Variants in EPAS1 observed in about 807,000 individuals in gnomAD.
EPAS1 encodes endothelial PAS domain-containing protein 1.
In EPAS1, 23 loss-of-function variants were observed where a neutral mutation model predicts 87.9. The observed-to-expected ratio is 0.26, with a 90% CI of 0.19 to 0.37. The LOEUF is 0.37. EPAS1 is among the 10% of genes least tolerant of loss of function. The probability of loss-of-function intolerance (pLI) is 1.00; values close to 1 mark genes in which losing one functional copy is unlikely to be tolerated. For synonymous variants in EPAS1, 508 were observed against 444.3 expected (o/e 1.14, Z -1.80); for missense variants, 1,138 against 1,120.7 (o/e 1.02, Z -0.22).
intron 6 of EPAS1, 46 bp from the exon 7 acceptor site, chr2:46,369,781 T>G: frequency 6.9e-7 from 1 of 1,451,298 alleles, no homozygotes; most frequent in African/African-American, 1.4e-5. Flanking sequence ...CTGTGCTAAG[T>G]TAATATGGTC....
chr2:46,377,926 G>A lies in EPAS1; in HGVS notation c.1282G>A (p.Gly428Ser). ...GAACTTCGAGGAGTCCTCAGCCTAT[G>A]GCAAGGCCATCCTGCCCCCGAGCCA... ...NQNFEESSAY[G>S]KAILPPSQPW... Residue 428 changes from glycine to serine, a missense_variant, in exon 10 of 16, where the codon GGC becomes AGC. By Grantham distance (56) the Gly-to-Ser change is moderately conservative. This residue lies in a region of EPAS1 where 284 missense variants were observed against 258.4 expected (regional missense o/e 1.10). Coordinates refer to ENST00000263734, the MANE Select transcript of EPAS1 (RefSeq NM_001430.5). The A allele has an allele frequency of 6.4e-7, 1 of 1,554,548 alleles. No individual in the cohort carries two copies. The highest frequency in any genetic ancestry group is 8.7e-7 in the Non-Finnish European group (1 of 1,148,532).
At chr2:46,298,151 CG>C (rs1682924439) in intron 1 of EPAS1, among the ~76,000 whole-genome samples, 1 of 152,046 alleles carries the variant, frequency 6.6e-6, no homozygotes, top group South Asian at 2.1e-4. Flanking sequence ...TCGGAGGAGT[CG>C]GGGATTTGCG....
intron 1 of EPAS1, among the ~76,000 whole-genome samples, chr2:46,303,692 C>T (rs1683055251): frequency 6.6e-6 from 1 of 152,130 alleles, no homozygotes; most frequent in Admixed American, 6.5e-5. Context: ...ATAGAAGCAA[C>T]TTGTTCTAAA....
In EPAS1 at chr2:46,380,650, G is replaced by C. The variant is rs753194538; in HGVS notation, c.1978G>C (p.Glu660Gln). The C allele has an allele frequency of 4.3e-6, 7 of 1,614,118 alleles. No homozygotes were observed. The highest frequency in any genetic ancestry group is 5.9e-6 in the Non-Finnish European group (7 of 1,180,010). Residue 660 changes from glutamate (E) to glutamine (Q), a missense_variant, in exon 12 of 16, where the codon GAG becomes CAG. This residue lies in a region of EPAS1 where 502 missense variants were observed against 427.1 expected (regional missense o/e 1.18). Coordinates refer to ENST00000263734, the MANE Select transcript of EPAS1 (RefSeq NM_001430.5). The surrounding 1 kb of genome is among the most constrained non-coding windows in gnomAD (Gnocchi z 4.4). ...TKWAVGDQRT[E>Q]FLGAAPLGPP... ...GTGGGCCGTCGGGGATCAGCGCACA[G>C]AGTTCTTGGGAGCAGCGCCGTTGGG... is the stretch of plus-strand genomic sequence containing the variant.
rs555916781 is a variant in EPAS1 at position 46,300,763 on chromosome 2, C to G, written c.26+2826C>G. On this transcript the variant is annotated intron_variant, in intron 1 of 15. Transcript: ENST00000263734. This position sits in a 1 kb window ranked among gnomAD's most constrained non-coding sequence, Gnocchi z 4.1. The stretch of plus-strand genomic sequence containing the variant: ...TCAAAGTCCAGTCCCAAAGCCAGAC[C>G]TAGGTCCAGACACCTTCCCAGAGTG... Among the ~76,000 whole-genome samples, 2 of 152,272 alleles carry G rather than the reference C, an allele frequency of 1.3e-5. No individual in the cohort carries two copies. The highest frequency in any genetic ancestry group is 3.9e-4 in the East Asian group (2 of 5,186).
intron 1 of EPAS1, among the ~76,000 whole-genome samples, chr2:46,338,528 C>G (rs543388847): frequency 1.3e-5 from 2 of 152,244 alleles, no homozygotes; most frequent in South Asian, 2.1e-4. Flanking sequence ...ACCGAGTCTT[C>G]TCTATACATC....
At position 46,297,730 on chromosome 2, in the gene EPAS1, C is replaced by G; in HGVS notation, c.-182C>G. Reference sequence around the variant, plus strand: ...CCCAGTCACCTTTCTCCACCCCCGCCCCCGCACCTAGCCCGCCGCGCGCCA... The same window carrying G: ...CCCAGTCACCTTTCTCCACCCCCGCGCCCGCACCTAGCCCGCCGCGCGCCA... On this transcript the variant is annotated 5_prime_UTR_variant, in exon 1 of 16. Transcript: ENST00000263734. 5.8e-6 allele frequency: 4 copies of G among 690,052 alleles called. No homozygotes were observed. The highest frequency in any genetic ancestry group is 9.6e-6 in the Non-Finnish European group (4 of 415,894). 42.7% of individuals were successfully genotyped at this position (690,052 alleles called of 1,614,324 possible). A position where few individuals can be genotyped will look rare whatever the true frequency, so the allele number is the denominator to read the frequency against.
chr2:46,349,186 G>C (rs1265446489), intron 2 of EPAS1, among the ~76,000 whole-genome samples: 2 of 152,172 alleles, frequency 1.3e-5, no homozygotes, highest in Non-Finnish European at 2.9e-5. Flanking sequence ...GAAGCAGCTG[G>C]GGGCCAGCGT....
rs1358869941 is a variant in EPAS1 at position 46,378,006 on chromosome 2, G to A, written c.1362G>A (p.Leu454=). 1 of 1,596,402 alleles carries A rather than the reference G, an allele frequency of 6.3e-7. No homozygotes were observed. The highest frequency in any genetic ancestry group is 8.5e-7 in the Non-Finnish European group (1 of 1,171,874). ...GCACCCAGAGCGAGGCTGGGAGCCT[G>A]CCTGCCTTCACCGTGCCCCAGGCAG... ...SHSTQSEAGS[L]PAFTVPQAAA... is the part of the protein sequence containing the mutation. Residue 454 remains leucine, a synonymous_variant, in exon 10 of 16, where the codon CTG becomes CTA. Transcript: ENST00000263734.
intron 1 of EPAS1, among the ~76,000 whole-genome samples, chr2:46,332,424 G>T (rs530385315): frequency 6.6e-6 from 1 of 151,732 alleles, no homozygotes; most frequent in Non-Finnish European, 1.5e-5. Context: ...AATCACTGAC[G>T]GGACCTCAGT....
At chr2:46,369,774 T>C (rs1684588285) in intron 6 of EPAS1, 53 bp from the exon 7 acceptor site, 1 of 1,367,046 alleles carries the variant, frequency 7.3e-7, no homozygotes, top group Non-Finnish European at 1.0e-6. Flanking sequence ...CCACATGCTG[T>C]GCTAAGTTAA....
chr2:46,367,727 A>G (rs1262487626), intron 6 of EPAS1, among the ~76,000 whole-genome samples: 4 of 152,206 alleles, frequency 2.6e-5, no homozygotes, highest in Admixed American at 6.5e-5. Context: ...CACTGGGCTG[A>G]ATCAGCTGAG....
chr2:46,357,628 C>T (rs1222595529), intron 4 of EPAS1, among the ~76,000 whole-genome samples: 4 of 152,138 alleles, frequency 2.6e-5, no homozygotes, highest in Admixed American at 6.5e-5. Context: ...GGAAACTACA[C>T]GAAGCCATGA....
chr2:46,315,312 G>C (rs956133112), intron 1 of EPAS1, among the ~76,000 whole-genome samples: 3 of 152,192 alleles, frequency 2.0e-5, no homozygotes, highest in Non-Finnish European at 4.4e-5. Context: ...GAAAATCACT[G>C]AATGAAGTCA....
chr2:46,313,949 G>A lies in EPAS1; in HGVS notation c.26+16012G>A, dbSNP rs879472882. On this transcript the variant is annotated intron_variant, in intron 1 of 15. Transcript: ENST00000263734. ...AGGTTGTCAGGTCTTTGTCTTCAAC[G>A]TTATTATTTCTTATATTTGTTCAGT... Among the ~76,000 whole-genome samples, 159 of 152,224 alleles carry A rather than the reference G, an allele frequency of 1.0e-3. 3 individuals carry two copies. The highest frequency in any genetic ancestry group is 3.4e-3 in the Middle Eastern group (1 of 294).
intron 1 of EPAS1, among the ~76,000 whole-genome samples, chr2:46,310,056 T>G (rs1683181598): frequency 6.6e-6 from 1 of 152,158 alleles, no homozygotes; most frequent in Non-Finnish European, 1.5e-5. Context: ...CCCAAATCAC[T>G]CTGATATATG....
chr2:46,382,645 A>T, intron 15 of EPAS1, 47 bp downstream of exon 15: 1 of 1,610,822 alleles, frequency 6.2e-7, no homozygotes. Context: ...ATTCGATGCC[A>T]GGGGAAGCCC....
At chr2:46,379,842 G>A (rs1292325058) in intron 11 of EPAS1, 4 of 324,880 alleles carry the variant, frequency 1.2e-5, no homozygotes, top group Non-Finnish European at 2.4e-5. Context: ...GCCACAGTGT[G>A]CACCACAGGC....
At chr2:46,361,914 C>T (rs1448596857) in intron 6 of EPAS1, among the ~76,000 whole-genome samples, 2 of 152,172 alleles carry the variant, frequency 1.3e-5, no homozygotes, top group Non-Finnish European at 2.9e-5. Context: ...GCCTCTGGGA[C>T]TGTGGAGCCT....
Sources: gnomAD v4.1 joint callset for allele counts (sites outside exome capture counted in the v4.1 genomes callset) on GRCh38, gnomAD v4.1.1 for gene constraint, gnomAD v4.1.1 regional missense constraint, Gnocchi (gnomAD v3.1) non-coding constraint, MANE v1.5 for transcripts, NCBI Gene and HGNC (gene_info 2026-07-23, HGNC 2026-07-21) for gene names.